RHAG: variants seen among roughly 807,000 people sequenced by gnomAD.
RHAG encodes the protein Rh associated glycoprotein.
In RHAG, 25 loss-of-function variants were observed where a neutral mutation model predicts 42.4. That is an observed-to-expected ratio of 0.59 (90% CI 0.43 to 0.82). The LOEUF (loss-of-function observed/expected upper bound fraction) is 0.82. RHAG is among the 40% of genes least tolerant of loss of function. The pLI is 0.00. For missense variants in RHAG, 483 were observed against 504.6 expected, an observed-to-expected ratio of 0.96 and a Z score of 0.41; for synonymous variants, 182 against 177.7, an observed-to-expected ratio of 1.02 and a Z score of -0.19.
chr6:49,616,002 A>G (rs1268277408), intron 3 of RHAG, among the ~76,000 whole-genome samples: 3 of 152,206 alleles, frequency 2.0e-5, no homozygotes, highest in African/African-American at 7.2e-5. Flanking sequence ...CTTCCTTGCA[A>G]TGTGACTTTA....
intron 3 of RHAG, among the ~76,000 whole-genome samples, chr6:49,617,782 C>T (rs1762678066): frequency 6.6e-6 from 1 of 152,144 alleles, no homozygotes; most frequent in Non-Finnish European, 1.5e-5. Context: ...GAGGTGAATT[C>T]AGACTCTCGC....
chr6:49,634,932 ATTG>A (rs975563987), intron 1 of RHAG, among the ~76,000 whole-genome samples: 4 of 128,650 alleles, frequency 3.1e-5, no homozygotes, highest in East Asian at 2.4e-4. Context: ...TTACCTCTAC[ATTG>A]TTATTATTGT....
intron 2 of RHAG, 58 bp from the exon 3 acceptor site, chr6:49,618,276 A>T (rs1276367281): frequency 6.3e-7 from 1 of 1,593,004 alleles, no homozygotes. Context: ...AAACTGACCA[A>T]AGTGCAATCC....
At chr6:49,618,335 C>A in intron 2 of RHAG, 117 bp from the exon 3 acceptor site, 1 of 1,018,930 alleles carries the variant, frequency 9.8e-7, no homozygotes, top group Admixed American at 1.9e-5. Context: ...CTCATCATCT[C>A]CCACTTCCTT....
intron 1 of RHAG, among the ~76,000 whole-genome samples, chr6:49,623,797 G>A (rs548938786): frequency 8.5e-5 from 13 of 152,284 alleles, no homozygotes; most frequent in Non-Finnish European, 1.8e-4. Flanking sequence ...AATCAACTAT[G>A]CTTTTAAGGA....
At chr6:49,616,569 A>G (rs1293459241) in intron 3 of RHAG, among the ~76,000 whole-genome samples, 3 of 152,152 alleles carry the variant, frequency 2.0e-5, no homozygotes, top group Non-Finnish European at 2.9e-5. Flanking sequence ...ATTCCTCTTT[A>G]GGATATGATG....
intron 3 of RHAG, 34 bp from the exon 4 acceptor site, chr6:49,615,805 G>A: frequency 6.2e-7 from 1 of 1,605,856 alleles, no homozygotes; most frequent in Non-Finnish European, 8.5e-7. Flanking sequence ...ATAAATAGAG[G>A]TGAACCTGAG....
intron 1 of RHAG, among the ~76,000 whole-genome samples, chr6:49,630,178 T>C (rs753097902): frequency 6.6e-6 from 1 of 152,248 alleles, no homozygotes; most frequent in Non-Finnish European, 1.5e-5. Context: ...TAAGAATCAT[T>C]CTCTGAGTGT....
At position 49,622,775 on chromosome 6, in the gene RHAG, G is replaced by A. The variant is rs115393418; in HGVS notation, c.158-3413C>T. Among the ~76,000 whole-genome samples, 1,205 of 151,736 alleles carry A rather than the reference G, an allele frequency of 7.9e-3. 18 individuals carry two copies. Among genetic ancestry groups the A allele is most frequent in the African/African-American group, 0.027 (1,130 of 41,364 alleles). On this transcript the variant is annotated intron_variant, in intron 1 of 9. Coordinates refer to ENST00000371175, the MANE Select transcript of RHAG (RefSeq NM_000324.3). ...TTATCTAATTTCATAATTTCTGTTA[G>A]TGGAACAATTATTCTGCAGATTTCA...
intron 3 of RHAG, among the ~76,000 whole-genome samples, chr6:49,616,071 C>A (rs187354568): frequency 4.5e-4 from 69 of 152,324 alleles, no homozygotes; most frequent in African/African-American, 1.5e-3. Context: ...ATATTACCCA[C>A]TCTCAACAGA....
chr6:49,617,994 G>T (rs576694463), intron 3 of RHAG, 74 bp downstream of exon 3: 1 of 1,361,680 alleles, frequency 7.3e-7, no homozygotes, highest in Non-Finnish European at 1.0e-6. Flanking sequence ...CCCATATACC[G>T]TAGACACCCA....
chr6:49,618,281 C>A, intron 2 of RHAG, 63 bp from the exon 3 acceptor site: 1 of 1,572,630 alleles, frequency 6.4e-7, no homozygotes, highest in East Asian at 2.2e-5. Context: ...GACCAAAGTG[C>A]AATCCCATCT....
chr6:49,627,508 T>G (rs1035007696), intron 1 of RHAG, among the ~76,000 whole-genome samples: 17 of 152,204 alleles, frequency 1.1e-4, no homozygotes, highest in African/African-American at 4.1e-4. Context: ...TCCAAACTGT[T>G]TCAACCTCTG....
chr6:49,622,080 C>T (rs1353567958), intron 1 of RHAG, among the ~76,000 whole-genome samples: 1 of 151,672 alleles, frequency 6.6e-6, no homozygotes, highest in African/African-American at 2.4e-5. Context: ...CTCTGCGTCT[C>T]CACCCAAATC....
intron 6 of RHAG, among the ~76,000 whole-genome samples, chr6:49,611,872 G>T (rs1051453659): frequency 1.3e-5 from 2 of 151,484 alleles, no homozygotes; most frequent in Admixed American, 1.3e-4. Context: ...CTCCCCAGTA[G>T]CTAGGATTAC....
chr6:49,624,152 G>A (rs1475334960), intron 1 of RHAG, among the ~76,000 whole-genome samples: 4 of 152,032 alleles, frequency 2.6e-5, no homozygotes, highest in Non-Finnish European at 4.4e-5. Flanking sequence ...CCATCCTCCT[G>A]GCTGTGATAA....
intron 5 of RHAG, among the ~76,000 whole-genome samples, chr6:49,613,576 T>C (rs1160381863): frequency 6.6e-6 from 1 of 152,100 alleles, no homozygotes; most frequent in East Asian, 1.9e-4. Flanking sequence ...TAAATTACAA[T>C]AGCATTTTCC....
intron 1 of RHAG, among the ~76,000 whole-genome samples, chr6:49,635,916 A>G (rs1025106899): frequency 6.6e-6 from 1 of 152,118 alleles, no homozygotes; most frequent in Non-Finnish European, 1.5e-5. Context: ...GTGACATACT[A>G]CTGTCTTCCT....
chr6:49,610,986 G>A (rs372558755), intron 7 of RHAG, 38 bp downstream of exon 7: 796 of 1,612,768 alleles, frequency 4.9e-4, no homozygotes, highest in Non-Finnish European at 6.2e-4. Context: ...AAAACATCAT[G>A]GGACCACAGG....
Sources: gnomAD v4.1 joint callset for allele counts (sites outside exome capture counted in the v4.1 genomes callset) on GRCh38, gnomAD v4.1.1 for gene constraint, MANE v1.5 for transcripts, NCBI Gene and HGNC (gene_info 2026-07-23, HGNC 2026-07-21) for gene names.